The following SPTBN1 variants were observed in gnomAD, a reference collection of about 807,000 sequenced individuals.
The protein encoded by SPTBN1 is spectrin beta chain, non-erythrocytic 1.
In SPTBN1, 32 loss-of-function variants were observed where a neutral mutation model predicts 266.4. That is an observed-to-expected ratio of 0.12 (90% CI 0.09 to 0.16). SPTBN1 has a LOEUF of 0.16. Ranked by LOEUF, SPTBN1 falls within the 10% of genes least tolerant of loss-of-function variation. SPTBN1 has a pLI of 1.00. For missense variants in SPTBN1, 2,296 were observed against 3,067.1 expected, an observed-to-expected ratio of 0.75 and a Z score of 5.94; for synonymous variants, 1,336 against 1,162.2, an observed-to-expected ratio of 1.15 and a Z score of -3.04.
chr2:54,657,057 T>C (rs1041344900), intron 29 of SPTBN1, among the ~76,000 whole-genome samples: 2 of 152,228 alleles, frequency 1.3e-5, no homozygotes, highest in African/African-American at 4.8e-5. Context: ...ATTTTTTACC[T>C]CAATGATCCC....
chr2:54,623,445 C>T, intron 9 of SPTBN1, 34 bp from the exon 10 acceptor site: 2 of 1,591,070 alleles, frequency 1.3e-6, no homozygotes, highest in Non-Finnish European at 1.7e-6. Flanking sequence ...TTTTTTTTCT[C>T]CAGTACCAAA....
At chr2:54,479,497 A>G (rs1271838911) in intron 1 of SPTBN1, among the ~76,000 whole-genome samples, 1 of 152,164 alleles carries the variant, frequency 6.6e-6, no homozygotes, top group Non-Finnish European at 1.5e-5. Context: ...CACATAATTT[A>G]TTATCCAAAC....
At chr2:54,505,203 G>T (rs1167346607) in intron 1 of SPTBN1, among the ~76,000 whole-genome samples, 5 of 152,158 alleles carry the variant, frequency 3.3e-5, no homozygotes, top group South Asian at 2.1e-4. Flanking sequence ...CACAAGAATG[G>T]TGTGAATACT....
chr2:54,625,109 A>G, intron 11 of SPTBN1, 147 bp downstream of exon 11: 2 of 873,428 alleles, frequency 2.3e-6, no homozygotes, highest in South Asian at 4.4e-5. Flanking sequence ...CCTTCCCATT[A>G]AGAGGATGTT....
rs942588111 is a variant in SPTBN1 at position 54,626,344 on chromosome 2, C to G, written c.1644+110C>G. 7.6e-7 allele frequency: 1 copy of G among 1,314,460 alleles called. No homozygotes were observed. The highest frequency in any genetic ancestry group is 1.0e-6 in the Non-Finnish European group (1 of 969,936). 81.4% of individuals were successfully genotyped at this position (1,314,460 alleles called of 1,614,324 possible). On this transcript the variant is annotated intron_variant, in intron 12 of 35. Transcript: ENST00000356805. This position sits in a 1 kb window ranked among gnomAD's most constrained non-coding sequence, Gnocchi z 4.7. ...ACAGCTGTGTGCCTTGTCTAACTGCCCACATGTACAGCTAGAGAGGAGCCA... is the reference window on the plus strand; with the variant it reads ...ACAGCTGTGTGCCTTGTCTAACTGCGCACATGTACAGCTAGAGAGGAGCCA...
Position 54,669,809 on chromosome 2 carries a change from G to A in SPTBN1, c.*1240G>A, listed in dbSNP as rs555280524. ...ACTTTTGCATTTTTTATGCATGTCT[G>A]GTGCACAAGCTTTGAAAACTACAGC... On this transcript the variant is annotated 3_prime_UTR_variant, in exon 36 of 36. Transcript: ENST00000356805. 6.6e-6 allele frequency: 1 copy of A among 152,356 alleles called. No homozygotes were observed. Among genetic ancestry groups the A allele is most frequent in the South Asian group, 2.1e-4 (1 of 4,824 alleles). The allele number at this position is 152,356 out of a possible 1,614,324, so 9.4% of individuals were successfully genotyped here.
intron 1 of SPTBN1, among the ~76,000 whole-genome samples, chr2:54,479,238 A>T (rs915350042): frequency 2.6e-5 from 4 of 152,206 alleles, no homozygotes; most frequent in African/African-American, 9.7e-5. Flanking sequence ...AAGGCAAATA[A>T]AGTATAGTTA....
Position 54,576,899 on chromosome 2 carries a change from T to G in SPTBN1, c.149-22193T>G, listed in dbSNP as rs568826353. Among the ~76,000 whole-genome samples, 4 of 152,168 alleles carry G rather than the reference T, an allele frequency of 2.6e-5. No homozygotes were observed. In the South Asian group the frequency reaches 6.2e-4, roughly 24 times the overall value. On this transcript the variant is annotated intron_variant, in intron 2 of 35. Coordinates refer to ENST00000356805, the MANE Select transcript of SPTBN1 (RefSeq NM_003128.3). Reference sequence around the variant, plus strand: ...TTGGTCCTGGGATGTGGGGGAAGCATTTTGGAGGAATTGACATTGATTGCA... The same window carrying G: ...TTGGTCCTGGGATGTGGGGGAAGCAGTTTGGAGGAATTGACATTGATTGCA...
chr2:54,609,867 TTTA>T (rs139516907), intron 3 of SPTBN1, among the ~76,000 whole-genome samples: 5,899 of 152,260 alleles, frequency 0.039, 146 homozygotes, highest in Admixed American at 0.087. Context: ...GCAGCTGGTA[TTTA>T]TTTTTTCCCT....
intron 1 of SPTBN1, among the ~76,000 whole-genome samples, chr2:54,467,672 A>T (rs1693710330): frequency 6.6e-6 from 1 of 152,088 alleles, no homozygotes; most frequent in South Asian, 2.1e-4. Context: ...GGCGTGAGCC[A>T]CCGCGCCTGG....
intron 19 of SPTBN1, 39 bp from the exon 20 acceptor site, chr2:54,644,284 A>G (rs772092144): frequency 1.3e-6 from 2 of 1,580,208 alleles, no homozygotes; most frequent in Admixed American, 1.8e-5. Context: ...TTCTGTAGCA[A>G]ACTTGTTTAT....
At chr2:54,545,431 AT>A (rs1289700351) in intron 2 of SPTBN1, 4 of 152,180 alleles carry the variant, frequency 2.6e-5, no homozygotes, top group Non-Finnish European at 5.9e-5. Flanking sequence ...GTAAACTTTC[AT>A]TTAAGGAAGG....
chr2:54,520,287 A>G (rs1309208157), intron 1 of SPTBN1: 1 of 152,174 alleles, frequency 6.6e-6, no homozygotes, highest in African/African-American at 2.4e-5. Context: ...TATTGACTTT[A>G]CGAACTTTAA....
At chr2:54,469,137 G>C (rs940579080) in intron 1 of SPTBN1, among the ~76,000 whole-genome samples, 1 of 152,210 alleles carries the variant, frequency 6.6e-6, no homozygotes, top group African/African-American at 2.4e-5. Context: ...ACATCAGATG[G>C]ATGGAGGTGA....
chr2:54,668,782 G>A lies in SPTBN1; in HGVS notation c.*213G>A. On this transcript the variant is annotated 3_prime_UTR_variant, in exon 36 of 36. Coordinates refer to ENST00000356805, the MANE Select transcript of SPTBN1 (RefSeq NM_003128.3). ...ACAAAAGTTTGAGGTGCAGAGGGAA[G>A]GCCAGATTTTTTTTTTAATGAAATT... 2.0e-6 allele frequency: 1 copy of A among 498,278 alleles called. No homozygotes were observed. Among genetic ancestry groups the A allele is most frequent in the Non-Finnish European group, 3.6e-6 (1 of 278,600 alleles). 30.9% of individuals were successfully genotyped at this position (498,278 alleles called of 1,614,324 possible).
At chr2:54,652,644 T>G (rs1163549235) in intron 26 of SPTBN1, 1 of 151,794 alleles carries the variant, frequency 6.6e-6, no homozygotes, top group African/African-American at 2.4e-5. Context: ...TTTATAATTT[T>G]CATGGGTACT....
chr2:54,618,035 T>C (rs754806672), intron 6 of SPTBN1, 43 bp from the exon 7 acceptor site: 1 of 1,498,074 alleles, frequency 6.7e-7, no homozygotes, highest in South Asian at 1.2e-5. Context: ...ATATTTCTTT[T>C]CAAGCCATGA....
Position 54,664,701 on chromosome 2 carries a change from G to A in SPTBN1, c.6659+10G>A. 1 of 1,612,700 alleles carries A rather than the reference G, an allele frequency of 6.2e-7. No homozygotes were observed. The highest frequency in any genetic ancestry group is 1.1e-5 in the South Asian group (1 of 91,056). ...AGAAAGCCTCAAGCAGGTAACAGCA[G>A]CAGAGGCTGCCACAGTAAGATGGGA... On this transcript the variant is annotated intron_variant, in intron 33 of 35. Transcript: ENST00000356805. This position sits in a 1 kb window ranked among gnomAD's most constrained non-coding sequence, Gnocchi z 5.6.
intron 1 of SPTBN1, among the ~76,000 whole-genome samples, chr2:54,493,632 C>G (rs1668809625): frequency 6.6e-6 from 1 of 151,910 alleles, no homozygotes; most frequent in East Asian, 1.9e-4. Flanking sequence ...GAACTCCTTG[C>G]CTCAAGTTAT....
Sources: allele counts gnomAD v4.1 joint callset (sites outside exome capture counted in the v4.1 genomes callset), GRCh38; gene constraint gnomAD v4.1.1; non-coding constraint Gnocchi (gnomAD v3.1); transcripts MANE v1.5; gene names NCBI Gene and HGNC (gene_info 2026-07-23, HGNC 2026-07-21).